Variants in RCC1L observed in about 807,000 individuals in gnomAD.
RCC1L encodes RCC1 like.
Under a neutral mutation model 58.6 loss-of-function variants are expected in RCC1L, and 46 were observed. The observed-to-expected ratio is 0.79, with a 90% confidence interval of 0.62 to 1.00. RCC1L has a LOEUF of 1.00. RCC1L is among the 50% of genes least tolerant of loss of function. RCC1L has a pLI of 0.00. For missense variants in RCC1L, 636 were observed against 623.6 expected, an observed-to-expected ratio of 1.02 and a Z score of -0.21; for synonymous variants, 281 against 262.9, an observed-to-expected ratio of 1.07 and a Z score of -0.67.
At position 75,061,193 on chromosome 7, in the gene RCC1L, G is replaced by A. The variant is rs1456783172; in HGVS notation, c.787+14C>T. 17 of 1,611,876 alleles carry A rather than the reference G, an allele frequency of 1.1e-5. No homozygotes were observed. In the African/African-American group the frequency reaches 1.9e-4, roughly 18 times the overall value. The stretch of plus-strand genomic sequence containing the variant: ...GAGAAGTTTCACGACCCCAGTGCAT[G>A]AAAAGAACTCTACCTGTTTGCCCAT... On this transcript the variant is annotated intron_variant, in intron 6 of 10. Transcript: ENST00000610322.
chr7:75,034,837 G>A (rs879222322), intron 10 of RCC1L, among the ~76,000 whole-genome samples: 16,323 of 151,890 alleles, frequency 0.11, 999 homozygotes, highest in Middle Eastern at 0.3. Flanking sequence ...ATTTTTTGTA[G>A]AGATAGGGGT....
chr7:75,072,324 G>A (rs1554446277), intron 1 of RCC1L, among the ~76,000 whole-genome samples: 1 of 149,970 alleles, frequency 6.7e-6, no homozygotes. Context: ...ACCGCACCTG[G>A]CCTATATTGT....
chr7:75,044,077 C>T (rs1440201360), intron 10 of RCC1L, among the ~76,000 whole-genome samples: 1 of 152,182 alleles, frequency 6.6e-6, no homozygotes, highest in Non-Finnish European at 1.5e-5. Context: ...AGAAGATGGC[C>T]TCACTGAGAC....
At chr7:75,059,866 T>C (rs1281632598) in intron 6 of RCC1L, among the ~76,000 whole-genome samples, 1 of 152,190 alleles carries the variant, frequency 6.6e-6, no homozygotes, top group African/African-American at 2.4e-5. Flanking sequence ...GTTCATGCCA[T>C]TCTCCCGCCT....
At chr7:75,072,349 T>G (rs1554446280) in intron 1 of RCC1L, among the ~76,000 whole-genome samples, 3 of 150,604 alleles carry the variant, frequency 2.0e-5, no homozygotes, top group African/African-American at 7.3e-5. Flanking sequence ...TTTTTGTTGT[T>G]GTTGTTTAGT....
At chr7:75,057,301 G>T (rs1806111824) in intron 8 of RCC1L, among the ~76,000 whole-genome samples, 1 of 152,072 alleles carries the variant, frequency 6.6e-6, no homozygotes, top group Non-Finnish European at 1.5e-5. Context: ...TTTTTTGGTA[G>T]AGACAGGGTC....
chr7:75,039,944 G>T (rs1194459219), downstream of RCC1L, among the ~76,000 whole-genome samples: 3 of 152,124 alleles, frequency 2.0e-5, no homozygotes, highest in African/African-American at 4.8e-5. Context: ...TGGGGGAGGG[G>T]CGGCATTAGG....
At chr7:75,030,343 TG>T (rs1805266742) in intron 10 of RCC1L, among the ~76,000 whole-genome samples, 1 of 152,152 alleles carries the variant, frequency 6.6e-6, no homozygotes, top group Non-Finnish European at 1.5e-5. Flanking sequence ...GTAGCAGTCT[TG>T]TTGTCAGGCC....
Position 75,056,056 on chromosome 7 carries a change from A to T in RCC1L, c.1076T>A (p.Val359Asp). 1 of 1,613,986 alleles carries T rather than the reference A, an allele frequency of 6.2e-7. No homozygotes were observed. Among genetic ancestry groups the T allele is most frequent in the Non-Finnish European group, 8.5e-7 (1 of 1,179,864 alleles). Reference sequence around the variant, plus strand: ...TTTCCCAAGAATTCCATAGCCCCAGACAAAAACATGTCCTTCTCCTACATT... The same window carrying T: ...TTTCCCAAGAATTCCATAGCCCCAGTCAAAAACATGTCCTTCTCCTACATT... ...AVLNGEGHVF[V>D]WGYGILGKGP... The change falls in exon 9 of 11, where the codon GTC (valine) becomes GAC (aspartate). Residue 359 changes from valine (V) to aspartate (D), a missense_variant. Physicochemically the swap from Val to Asp is radical, Grantham distance 152. Coordinates refer to ENST00000610322, the MANE Select transcript of RCC1L (RefSeq NM_030798.5).
In RCC1L at chr7:75,061,695, T is replaced by G. The variant is rs1282735527; in HGVS notation, c.703-404A>C. Among the ~76,000 whole-genome samples, 15 of 152,086 alleles carry G rather than the reference T, an allele frequency of 9.9e-5. 1 individual carries two copies. The highest frequency in any genetic ancestry group is 1.5e-5 in the Non-Finnish European group (1 of 68,018). ...AGGGTGTGTCTCCTGCCCTCCTCTC[T>G]CCTCACTCCTCATGCTACCCTGGGA... On this transcript the variant is annotated intron_variant, in intron 5 of 10. Transcript: ENST00000610322.
downstream of RCC1L, among the ~76,000 whole-genome samples, chr7:75,041,833 C>T (rs1805575652): frequency 6.9e-6 from 1 of 144,306 alleles, no homozygotes; most frequent in African/African-American, 2.6e-5. Context: ...TGCTGCACTC[C>T]AGCCTGGGCA....
At chr7:75,071,781 T>G (rs998086221) in intron 1 of RCC1L, among the ~76,000 whole-genome samples, 3 of 152,104 alleles carry the variant, frequency 2.0e-5, no homozygotes, top group Admixed American at 1.3e-4. Context: ...TACCTCTATA[T>G]CTGTTTCTCC....
At chr7:75,072,191 T>A (rs1231762641) in intron 1 of RCC1L, among the ~76,000 whole-genome samples, 2 of 77,568 alleles carry the variant, frequency 2.6e-5, no homozygotes, top group Admixed American at 1.4e-4. Flanking sequence ...TATATATATA[T>A]GGAGAGAGAG....
intron 4 of RCC1L, 85 bp downstream of exon 4, chr7:75,064,497 C>A (rs1296942824): frequency 2.0e-6 from 3 of 1,508,164 alleles, no homozygotes; most frequent in Admixed American, 1.7e-5. Context: ...CTCTGACCGC[C>A]CCGCGGGTTT....
intron 10 of RCC1L, among the ~76,000 whole-genome samples, chr7:75,031,032 T>G (rs1275155454): frequency 1.8e-4 from 27 of 152,350 alleles, no homozygotes; most frequent in Admixed American, 5.9e-4. Context: ...GCGGTTTCCC[T>G]TCCACTGCCT....
intron 6 of RCC1L, among the ~76,000 whole-genome samples, chr7:75,059,079 G>A (rs1227157149): frequency 6.7e-6 from 1 of 149,004 alleles, no homozygotes; most frequent in Non-Finnish European, 1.5e-5. Flanking sequence ...TGTAATCTCA[G>A]CTACTCAGAA....
chr7:75,051,250 A>G (rs1022792874), intron 10 of RCC1L, among the ~76,000 whole-genome samples: 13 of 147,528 alleles, frequency 8.8e-5, no homozygotes, highest in Admixed American at 6.1e-4. Context: ...ATATATTTAT[A>G]TGTGTGTGTG....
intron 1 of RCC1L, among the ~76,000 whole-genome samples, chr7:75,071,448 C>G (rs782763244): frequency 7.2e-5 from 11 of 151,944 alleles, no homozygotes; most frequent in Admixed American, 2.6e-4. Context: ...AGTTTGAGAC[C>G]CGCTTTGGCC....
rs1554446552 is a variant in RCC1L, at chr7:75,073,655, G to A, written c.83C>T (p.Ala28Val). The change falls in exon 1 of 11, where the codon GCG (alanine) becomes GTG (valine). Residue 28 changes from alanine (A) to valine (V), a missense_variant. By Grantham distance (64) the Ala-to-Val change is moderately conservative (BLOSUM62 0). Coordinates refer to ENST00000610322, the MANE Select transcript of RCC1L (RefSeq NM_030798.5). ...GPGLGRGHWT[A>V]AGRSRSRREA... ...GCGCCGGCTCCGGGAGCGCCCGGCC[G>A]CCGTCCAGTGCCCTCGCCCCAGCCC... 1.4e-6 allele frequency: 2 copies of A among 1,469,940 alleles called. No homozygotes were observed. Among genetic ancestry groups the A allele is most frequent in the Admixed American group, 2.5e-5 (1 of 40,694 alleles). 91.1% of individuals were successfully genotyped at this position (1,469,940 alleles called of 1,614,324 possible).
Sources: allele counts gnomAD v4.1 joint callset (sites outside exome capture counted in the v4.1 genomes callset), GRCh38; gene constraint gnomAD v4.1.1; transcripts MANE v1.5; gene names NCBI Gene and HGNC (gene_info 2026-07-23, HGNC 2026-07-21).